IMPG1: variants seen among roughly 807,000 people sequenced by gnomAD.
IMPG1 encodes the protein interphotoreceptor matrix proteoglycan of 150 kDa.
IMPG1 carries 85 observed loss-of-function variants against 92.0 expected under a neutral mutation model. The ratio of observed to expected loss-of-function variants is 0.92; its 90% CI spans 0.78 to 1.11. The LOEUF (loss-of-function observed/expected upper bound fraction) is 1.11. IMPG1 is among the 50% of genes least tolerant of loss of function. The probability of loss-of-function intolerance (pLI) is 0.00; values close to 1 mark genes in which losing one functional copy is unlikely to be tolerated. For synonymous variants in IMPG1, 367 were observed against 334.1 expected, an observed-to-expected ratio of 1.10 and a Z score of -1.08; for missense variants, 1,022 against 956.0, an observed-to-expected ratio of 1.07 and a Z score of -0.91.
At chr6:75,924,527 TTATAATATAATTATATAA>T (rs1781492795) in intron 15 of IMPG1, among the ~76,000 whole-genome samples, 1 of 50,372 alleles carries the variant, frequency 2.0e-5, no homozygotes, top group African/African-American at 7.5e-5. Flanking sequence ...TAATTATATA[TTATAATATAATTATATAA>T]TATAATTAAT....
At chr6:76,030,886 G>A (rs1384655039) in intron 4 of IMPG1, among the ~76,000 whole-genome samples, 1 of 152,264 alleles carries the variant, frequency 6.6e-6, no homozygotes, top group East Asian at 1.9e-4. Flanking sequence ...ACTCCATCCA[G>A]CCTGTCCACT....
chr6:75,928,169 C>T (rs1265392827), intron 15 of IMPG1, among the ~76,000 whole-genome samples: 1 of 152,020 alleles, frequency 6.6e-6, no homozygotes, highest in African/African-American at 2.4e-5. Flanking sequence ...TGTTCATTGG[C>T]CCTTTCTTCC....
chr6:76,001,898 G>A (rs1782996133), intron 12 of IMPG1, among the ~76,000 whole-genome samples: 1 of 152,280 alleles, frequency 6.6e-6, no homozygotes, highest in East Asian at 1.9e-4. Context: ...AATCCAATTT[G>A]TATAATTAAT....
intron 1 of IMPG1, among the ~76,000 whole-genome samples, chr6:76,071,840 T>A (rs1784407307): frequency 6.6e-6 from 1 of 152,126 alleles, no homozygotes; most frequent in African/African-American, 2.4e-5. Flanking sequence ...TATTTTAATT[T>A]CATATTCAGA....
At chr6:76,047,447 G>T (rs1783965549) in intron 1 of IMPG1, among the ~76,000 whole-genome samples, 1 of 152,118 alleles carries the variant, frequency 6.6e-6, no homozygotes, top group African/African-American at 2.4e-5. Context: ...ACTGTTTCAG[G>T]TCCACTATGG....
chr6:75,954,203 G>T (rs1782080252), intron 12 of IMPG1, among the ~76,000 whole-genome samples: 1 of 152,142 alleles, frequency 6.6e-6, no homozygotes, highest in Non-Finnish European at 1.5e-5. Flanking sequence ...CTTCCACAAT[G>T]GTTGAACTGA....
At chr6:75,957,814 G>T (rs1322936306) in intron 12 of IMPG1, among the ~76,000 whole-genome samples, 2 of 152,122 alleles carry the variant, frequency 1.3e-5, no homozygotes, top group African/African-American at 4.8e-5. Flanking sequence ...CATGTGAAAT[G>T]GGTCTCCTGA....
chr6:75,942,923 T>A (rs927438165), intron 14 of IMPG1, among the ~76,000 whole-genome samples: 4 of 152,248 alleles, frequency 2.6e-5, no homozygotes, highest in African/African-American at 9.6e-5. Context: ...CAGTTTTCTG[T>A]AACTGTACAG....
chr6:75,999,589 C>T (rs534241555), intron 12 of IMPG1, among the ~76,000 whole-genome samples: 3 of 152,058 alleles, frequency 2.0e-5, no homozygotes, highest in South Asian at 4.1e-4. Flanking sequence ...TTCTGTTTTC[C>T]GTTTTCCATG....
intron 12 of IMPG1, among the ~76,000 whole-genome samples, chr6:75,977,716 G>A (rs2794286): frequency 0.15 from 23,227 of 150,962 alleles, 1,947 homozygotes; most frequent in African/African-American, 0.17. Context: ...AAACTTTGAA[G>A]TGTTATTATT....
chr6:75,931,356 C>T (rs558560280), intron 14 of IMPG1, among the ~76,000 whole-genome samples: 1 of 152,342 alleles, frequency 6.6e-6, no homozygotes, highest in South Asian at 2.1e-4. Context: ...ATTAGTTTAG[C>T]TCCAAATGTA....
intron 12 of IMPG1, among the ~76,000 whole-genome samples, chr6:75,987,540 G>T (rs546019448): frequency 7.4e-6 from 1 of 135,894 alleles, no homozygotes; most frequent in Non-Finnish European, 1.5e-5. Flanking sequence ...AATTCCCACC[G>T]ATGAGTGAGA....
intron 6 of IMPG1, among the ~76,000 whole-genome samples, chr6:76,019,483 T>C (rs1783377709): frequency 6.6e-6 from 1 of 152,222 alleles, no homozygotes; most frequent in African/African-American, 2.4e-5. Context: ...AGAGAACAGT[T>C]AATGGAAATT....
At chr6:76,055,357 G>A (rs769421287) in intron 1 of IMPG1, among the ~76,000 whole-genome samples, 7 of 151,962 alleles carry the variant, frequency 4.6e-5, no homozygotes, top group Non-Finnish European at 7.4e-5. Flanking sequence ...GTATTTTTCT[G>A]AAATGATAAA....
intron 2 of IMPG1, among the ~76,000 whole-genome samples, chr6:76,035,089 T>C (rs1783717383): frequency 6.6e-6 from 1 of 152,094 alleles, no homozygotes; most frequent in African/African-American, 2.4e-5. Flanking sequence ...AAGGTGACTT[T>C]TGAGCCATTT....
chr6:76,065,374 T>G lies in IMPG1; in HGVS notation c.67+7048A>C, dbSNP rs568375876. Among the ~76,000 whole-genome samples, 7 of 151,970 alleles carry G rather than the reference T, an allele frequency of 4.6e-5. No homozygotes were observed. In the South Asian group the frequency reaches 1.5e-3, roughly 32 times the overall value. On this transcript the variant is annotated intron_variant, in intron 1 of 16. Coordinates refer to ENST00000369950, the MANE Select transcript of IMPG1 (RefSeq NM_001563.4). The stretch of plus-strand genomic sequence containing the variant: ...TTCAAGAAGAAATTTACTAAAGAGA[T>G]AAATATTTAAAATAAAAAACCTGAT...
At chr6:76,015,800 C>CAAAAAAAAAAAAAAAAAAAAAA (rs35389302) in intron 7 of IMPG1, among the ~76,000 whole-genome samples, 4 of 66,738 alleles carry the variant, frequency 6.0e-5, no homozygotes, top group Admixed American at 2.0e-4. Flanking sequence ...AACTCTGTCT[C>CAAAAAAAAAAAAAAAAAAAAAA]AAAAAAAAAA....
intron 12 of IMPG1, among the ~76,000 whole-genome samples, chr6:75,964,283 A>G (rs1782263766): frequency 6.6e-6 from 1 of 152,212 alleles, no homozygotes; most frequent in Non-Finnish European, 1.5e-5. Flanking sequence ...GATTTCTGGA[A>G]TTAGACAGTG....
chr6:75,956,400 T>C (rs959708096), intron 12 of IMPG1, among the ~76,000 whole-genome samples: 1 of 152,182 alleles, frequency 6.6e-6, no homozygotes, highest in Non-Finnish European at 1.5e-5. Context: ...GTTTATAGTA[T>C]GCTCTGATGG....
Sources: allele counts gnomAD v4.1 joint callset (sites outside exome capture counted in the v4.1 genomes callset), GRCh38; gene constraint gnomAD v4.1.1; transcripts MANE v1.5; gene names NCBI Gene and HGNC (gene_info 2026-07-23, HGNC 2026-07-21).